Variants in TMEM272 observed in about 807,000 individuals in gnomAD.
The protein encoded by TMEM272 is long intergenic non-protein coding RNA 282.
TMEM272 carries 8 observed loss-of-function variants against 3.7 expected under a neutral mutation model. The observed-to-expected ratio is 2.17, with a 90% CI of 1.27 to 3.91. TMEM272 has a LOEUF of 3.91. Among genes scored for constraint, TMEM272 ranks in the 30% most tolerant of loss-of-function variants. The pLI, the probability that TMEM272 is intolerant of heterozygous loss-of-function variation, is 0.00. For missense variants in TMEM272, 166 were observed against 91.5 expected, an observed-to-expected ratio of 1.81 and a Z score of -3.32; for synonymous variants, 63 against 39.8, an observed-to-expected ratio of 1.58 and a Z score of -2.20.
At chr13:51,872,344 A>G in the TMEM272 span, among the ~76,000 whole-genome samples, 1 of 152,202 alleles carries the variant, frequency 6.6e-6, no homozygotes, top group Non-Finnish European at 1.5e-5. Flanking sequence ...GATAAGGTTG[A>G]AGAACTCTCT....
At chr13:51,875,511 C>T in the TMEM272 span, among the ~76,000 whole-genome samples, 1 of 152,158 alleles carries the variant, frequency 6.6e-6, no homozygotes, top group Non-Finnish European at 1.5e-5. Flanking sequence ...GGTTTTGATG[C>T]CAAGGCCTTT....
chr13:51,844,068 T>C (rs1048864626), intron 1 of TMEM272, among the ~76,000 whole-genome samples: 10 of 152,290 alleles, frequency 6.6e-5, no homozygotes, highest in Admixed American at 5.2e-4. Context: ...ACAACACTTA[T>C]CTGCTCCAAA....
chr13:51,862,450 C>A, the TMEM272 span, among the ~76,000 whole-genome samples: 1 of 152,040 alleles, frequency 6.6e-6, no homozygotes, highest in African/African-American at 2.4e-5. Context: ...TTCTTATTTT[C>A]TTTCTTTCTT....
At chr13:51,878,821 T>C in the TMEM272 span, among the ~76,000 whole-genome samples, 1 of 152,212 alleles carries the variant, frequency 6.6e-6, no homozygotes, top group Non-Finnish European at 1.5e-5. Context: ...TTATATGTAA[T>C]ATATTTGTAT....
chr13:51,919,749 T>G, the TMEM272 span, among the ~76,000 whole-genome samples: 2 of 152,270 alleles, frequency 1.3e-5, no homozygotes, highest in African/African-American at 4.8e-5. Flanking sequence ...GACCTGCCTT[T>G]GCAGGTCTCC....
At chr13:51,861,474 G>A in the TMEM272 span, among the ~76,000 whole-genome samples, 1 of 151,994 alleles carries the variant, frequency 6.6e-6, no homozygotes, top group Non-Finnish European at 1.5e-5. Flanking sequence ...ATTAAAGAGG[G>A]ATTCAACAGC....
At chr13:51,862,181 GC>G in the TMEM272 span, 2 of 152,248 alleles carry the variant, frequency 1.3e-5, no homozygotes, top group Non-Finnish European at 2.9e-5. Flanking sequence ...ATGGCCGCCT[GC>G]CCCCTCTGAG....
upstream of TMEM272, among the ~76,000 whole-genome samples, chr13:51,847,073 C>T (rs1470800982): frequency 6.6e-6 from 1 of 152,172 alleles, no homozygotes; most frequent in Admixed American, 6.5e-5. Context: ...CCTATTTTTA[C>T]TGTACACAAT....
chr13:51,858,956 T>G, the TMEM272 span, among the ~76,000 whole-genome samples: 2 of 152,146 alleles, frequency 1.3e-5, no homozygotes, highest in African/African-American at 4.8e-5. Context: ...ACTGATGGTC[T>G]TAAGCACACA....
In TMEM272 at chr13:51,815,875, G is replaced by A. The variant is rs1448206727; in HGVS notation, c.*876C>T. On this transcript the variant is annotated 3_prime_UTR_variant, in exon 5 of 5. Coordinates refer to ENST00000629372, the MANE Select transcript of TMEM272 (RefSeq NM_001351003.2). The stretch of plus-strand genomic sequence containing the variant: ...TCATTAGGTTGAGGAGCTATTATTC[G>A]ATATTTAAGCTCAGAAACCAAAAAC... 2 of 152,288 alleles carry A rather than the reference G, an allele frequency of 1.3e-5. No individual in the cohort carries two copies. Among genetic ancestry groups the A allele is most frequent in the South Asian group, 2.1e-4 (1 of 4,820 alleles). 9.4% of individuals were successfully genotyped at this position (152,288 alleles called of 1,614,324 possible).
chr13:51,832,705 C>G (rs1359839150), intron 2 of TMEM272, among the ~76,000 whole-genome samples: 1 of 152,162 alleles, frequency 6.6e-6, no homozygotes, highest in Non-Finnish European at 1.5e-5. Context: ...CCCTGCATTG[C>G]CACAGCCACC....
the TMEM272 span, among the ~76,000 whole-genome samples, chr13:51,916,380 A>T: frequency 6.6e-6 from 1 of 152,204 alleles, no homozygotes; most frequent in Admixed American, 6.5e-5. Context: ...AGTATTTTAC[A>T]TATGGGCTGT....
At chr13:51,884,333 A>G in the TMEM272 span, among the ~76,000 whole-genome samples, 1 of 152,324 alleles carries the variant, frequency 6.6e-6, no homozygotes, top group Middle Eastern at 3.4e-3. Context: ...GGCAATGTTG[A>G]CTTGGGTTTG....
chr13:51,825,619 T>G lies in TMEM272; in HGVS notation c.118+947A>C, dbSNP rs145079740. ...AGAACACTGGGCCTGCTGAGCTGCTTCTTTTTTGTTTTTGTGTTTTTTTTT... is the reference window on the plus strand; with the variant it reads ...AGAACACTGGGCCTGCTGAGCTGCTGCTTTTTTGTTTTTGTGTTTTTTTTT... On this transcript the variant is annotated intron_variant, in intron 3 of 4. Transcript: ENST00000629372. Among the ~76,000 whole-genome samples the G allele has an allele frequency of 6.5e-4, 86 of 133,198 alleles. 1 individual carries two copies. The East Asian group carries it at 0.017, about 26-fold the overall frequency. 87.4% of individuals were successfully genotyped at this position (133,198 alleles called of 152,430 possible).
At chr13:51,897,315 C>T in the TMEM272 span, among the ~76,000 whole-genome samples, 1 of 151,364 alleles carries the variant, frequency 6.6e-6, no homozygotes, top group East Asian at 1.9e-4. Flanking sequence ...CCTATCTCAG[C>T]CTCCAAAGTA....
At chr13:51,897,102 G>A in the TMEM272 span, among the ~76,000 whole-genome samples, 2 of 152,214 alleles carry the variant, frequency 1.3e-5, no homozygotes, top group Admixed American at 6.5e-5. Context: ...GGTGAATACA[G>A]AGCACACATT....
At chr13:51,904,716 G>C in the TMEM272 span, among the ~76,000 whole-genome samples, 1 of 152,162 alleles carries the variant, frequency 6.6e-6, no homozygotes, top group Admixed American at 6.5e-5. Flanking sequence ...GCTCATTGGA[G>C]CATTTTAGAT....
the TMEM272 span, chr13:51,865,517 G>C: frequency 1.9e-6 from 3 of 1,614,216 alleles, no homozygotes; most frequent in Non-Finnish European, 2.5e-6. Flanking sequence ...CAAGCTGCAG[G>C]AGGAAAAGGC....
At chr13:51,926,305 T>C in the TMEM272 span, among the ~76,000 whole-genome samples, 1,573 of 152,290 alleles carry the variant, frequency 0.01, 29 homozygotes, top group South Asian at 0.074. Context: ...CTCCTTGCTG[T>C]GGCTTTTCTC....
Sources: gnomAD v4.1 joint callset for allele counts (sites outside exome capture counted in the v4.1 genomes callset) on GRCh38, gnomAD v4.1.1 for gene constraint, MANE v1.5 for transcripts, NCBI Gene and HGNC (gene_info 2026-07-23, HGNC 2026-07-21) for gene names.